The following LDHC variants were observed in gnomAD, a reference collection of about 807,000 sequenced individuals.
LDHC encodes L-lactate dehydrogenase C chain.
LDHC carries 20 observed loss-of-function variants against 30.2 expected under a neutral mutation model. That is an observed-to-expected ratio of 0.66 (90% CI 0.47 to 0.96). The LOEUF is 0.96. Ranked by LOEUF, LDHC falls within the 40% of genes least tolerant of loss-of-function variation. LDHC has a pLI of 0.00. For synonymous variants in LDHC, 139 were observed against 132.7 expected (o/e 1.05, Z -0.32); for missense variants, 362 against 394.9 (o/e 0.92, Z 0.71).
At chr11:18,445,347 C>T (rs977011205) in intron 6 of LDHC, among the ~76,000 whole-genome samples, 2 of 152,110 alleles carry the variant, frequency 1.3e-5, no homozygotes, top group African/African-American at 4.8e-5. Context: ...TACCACCACA[C>T]CTGGCTAAGT....
chr11:18,443,388 G>A (rs1384369296), intron 6 of LDHC, among the ~76,000 whole-genome samples: 1 of 151,970 alleles, frequency 6.6e-6, no homozygotes, highest in East Asian at 1.9e-4. Flanking sequence ...GGCTGTCACA[G>A]TGTTGGTCTT....
At chr11:18,430,388 G>A (rs1848245307) in intron 4 of LDHC, among the ~76,000 whole-genome samples, 1 of 151,934 alleles carries the variant, frequency 6.6e-6, no homozygotes, top group East Asian at 1.9e-4. Flanking sequence ...TGTCTCACTC[G>A]AGGTTGGAGT....
intron 6 of LDHC, among the ~76,000 whole-genome samples, 198 bp downstream of exon 6, chr11:18,438,843 C>T (rs1265628138): frequency 3.3e-5 from 5 of 152,160 alleles, no homozygotes; most frequent in African/African-American, 1.2e-4. Flanking sequence ...TATTATTTCA[C>T]AACTCATATA....
rs1231741655 is a variant in LDHC at position 18,451,706 on chromosome 11, T to C, written c.*579T>C. 1 of 152,058 alleles carries C rather than the reference T, an allele frequency of 6.6e-6. No individual in the cohort carries two copies. The highest frequency in any genetic ancestry group is 6.6e-5 in the Admixed American group (1 of 15,250). 9.4% of individuals were successfully genotyped at this position (152,058 alleles called of 1,614,324 possible). ...GGCTCATGGCTGTAATCCCAGTGCT[T>C]TGGGAGGGTGAGGCAAGAGGATCAC... On this transcript the variant is annotated 3_prime_UTR_variant, in exon 8 of 8. Coordinates refer to ENST00000541669, the MANE Select transcript of LDHC (RefSeq NM_017448.5).
At chr11:18,442,364 C>G (rs1190762706) in intron 6 of LDHC, among the ~76,000 whole-genome samples, 1 of 152,180 alleles carries the variant, frequency 6.6e-6, no homozygotes, top group Non-Finnish European at 1.5e-5. Flanking sequence ...ACTGTTAACC[C>G]TTTACCCTTG....
chr11:18,418,616 G>A (rs1328951670), intron 3 of LDHC, among the ~76,000 whole-genome samples: 2 of 151,786 alleles, frequency 1.3e-5, no homozygotes, highest in South Asian at 2.1e-4. Context: ...TAGTAGAGAC[G>A]GGGTTTCACC....
chr11:18,414,665 T>TA (rs1173998983), intron 2 of LDHC, among the ~76,000 whole-genome samples: 1 of 151,968 alleles, frequency 6.6e-6, no homozygotes, highest in Non-Finnish European at 1.5e-5. Flanking sequence ...CCGTCTGTAC[T>TA]AAAAATACAA....
chr11:18,417,839 A>C (rs1320808195), intron 3 of LDHC, among the ~76,000 whole-genome samples: 2 of 152,196 alleles, frequency 1.3e-5, no homozygotes, highest in African/African-American at 4.8e-5. Flanking sequence ...AGGCTGATGT[A>C]GGAGGGTCGC....
chr11:18,434,621 G>A (rs1455007698), intron 4 of LDHC, 119 bp from the exon 5 acceptor site: 3 of 628,370 alleles, frequency 4.8e-6, no homozygotes, highest in Admixed American at 5.5e-5. Flanking sequence ...CCAGTGATTT[G>A]CTTCACTTTG....
Position 18,438,594 on chromosome 11 carries a change from C to G in LDHC, c.659C>G (p.Thr220Arg). 1 of 1,612,688 alleles carries G rather than the reference C, an allele frequency of 6.2e-7. No individual in the cohort carries two copies. ...ALKTLDPKLG[T>R]DSDKEHWKNI... ...AAGACTCTGGACCCTAAATTAGGAA[C>G]GGATTCAGATAAGGAACACTGGAAA... The change falls in exon 6 of 8, where the codon ACG becomes AGG. Residue 220 changes from threonine to arginine, a missense_variant. Thr to Arg is a moderately conservative substitution (Grantham distance 71). Coordinates refer to ENST00000541669, the MANE Select transcript of LDHC (RefSeq NM_017448.5).
At chr11:18,416,764 C>T (rs1867029883) in intron 3 of LDHC, among the ~76,000 whole-genome samples, 1 of 150,124 alleles carries the variant, frequency 6.7e-6, no homozygotes, top group Non-Finnish European at 1.5e-5. Context: ...TTCCTCCTTT[C>T]CTCCTCTTCC....
intron 6 of LDHC, among the ~76,000 whole-genome samples, chr11:18,441,389 C>T (rs1848462620): frequency 6.6e-6 from 1 of 151,496 alleles, no homozygotes; most frequent in Non-Finnish European, 1.5e-5. Context: ...GTGGTCTCTG[C>T]ACTCCGCCTC....
chr11:18,448,048 CAAAAAAA>C (rs1218910663), intron 7 of LDHC, among the ~76,000 whole-genome samples: 3 of 76,498 alleles, frequency 3.9e-5, no homozygotes, highest in African/African-American at 1.4e-4. Flanking sequence ...GACTCTGTCT[CAAAAAAA>C]AAAAAAAAAA....
At chr11:18,438,204 G>C (rs1187276663) in intron 5 of LDHC, among the ~76,000 whole-genome samples, 1 of 152,200 alleles carries the variant, frequency 6.6e-6, no homozygotes, top group African/African-American at 2.4e-5. Flanking sequence ...GAAGGCAAAG[G>C]AGGAGTAGAT....
At chr11:18,430,819 G>A (rs546903367) in intron 4 of LDHC, among the ~76,000 whole-genome samples, 1 of 152,204 alleles carries the variant, frequency 6.6e-6, no homozygotes, top group South Asian at 2.1e-4. Context: ...ATAAATACCT[G>A]GGAGTAACAT....
chr11:18,414,533 A>G (rs1369372408), intron 2 of LDHC, among the ~76,000 whole-genome samples: 1 of 152,202 alleles, frequency 6.6e-6, no homozygotes, highest in Non-Finnish European at 1.5e-5. Context: ...AAGGTTAAAT[A>G]TAATAAAATC....
At chr11:18,415,436 A>AT (rs757062905) in intron 3 of LDHC, 135 bp downstream of exon 3, 269 of 564,158 alleles carry the variant, frequency 4.8e-4, no homozygotes, top group Non-Finnish European at 7.3e-4. Context: ...TAGTTGATCA[A>AT]TTTTTTTTGT....
At chr11:18,448,231 G>A (rs1199057644) in intron 7 of LDHC, among the ~76,000 whole-genome samples, 1 of 151,944 alleles carries the variant, frequency 6.6e-6, no homozygotes, top group Non-Finnish European at 1.5e-5. Context: ...TGAGTAATAT[G>A]GGAATTTAAT....
chr11:18,449,267 T>C (rs1848608246), intron 7 of LDHC, among the ~76,000 whole-genome samples: 1 of 150,996 alleles, frequency 6.6e-6, no homozygotes, highest in Non-Finnish European at 1.5e-5. Flanking sequence ...CAAGACTCCA[T>C]CTCTATAAAA....
Sources: gnomAD v4.1 joint callset for allele counts (sites outside exome capture counted in the v4.1 genomes callset) on GRCh38, gnomAD v4.1.1 for gene constraint, MANE v1.5 for transcripts, NCBI Gene and HGNC (gene_info 2026-07-23, HGNC 2026-07-21) for gene names.